Variants in HOMEZ observed in about 807,000 individuals in gnomAD.
HOMEZ encodes homeobox and leucine zipper encoding.
In HOMEZ, 20 loss-of-function variants were observed where a neutral mutation model predicts 50.1. The observed-to-expected ratio is 0.40, with a 90% confidence interval of 0.28 to 0.58. The LOEUF is 0.58. Among genes scored for constraint, HOMEZ ranks in the 20% least tolerant of loss-of-function variants. HOMEZ has a pLI of 0.46. For missense variants in HOMEZ, 579 were observed against 680.5 expected (o/e 0.85, Z 1.66); for synonymous variants, 239 against 254.7 (o/e 0.94, Z 0.59).
chr14:23,282,720 A>T (rs975187220), intron 1 of HOMEZ, among the ~76,000 whole-genome samples: 4 of 152,238 alleles, frequency 2.6e-5, no homozygotes, highest in African/African-American at 9.7e-5. Context: ...TAAGTATTAA[A>T]AGCTGTAAGG....
At position 23,274,175 on chromosome 14, in the gene HOMEZ, A is replaced by G. The variant is rs561790535; in HGVS notation, c.*1400T>C. 6.5e-6 allele frequency: 1 copy of G among 152,720 alleles called. No individual in the cohort carries two copies. Among genetic ancestry groups the G allele is most frequent in the South Asian group, 2.1e-4 (1 of 4,824 alleles). 9.5% of individuals were successfully genotyped at this position (152,720 alleles called of 1,614,324 possible). On this transcript the variant is annotated 3_prime_UTR_variant, in exon 2 of 2. Coordinates refer to ENST00000357460, the MANE Select transcript of HOMEZ (RefSeq NM_020834.3). ...ATATAGCTGATCCCAACTGATGAAA[A>G]CCATTCTAAAACATCAATAATTAAT... is the stretch of plus-strand genomic sequence containing the variant.
In HOMEZ at chr14:23,276,366, T is replaced by C. The variant is rs1226647891; in HGVS notation, c.862A>G (p.Thr288Ala). The C allele has an allele frequency of 3.1e-5, 50 of 1,613,488 alleles. No individual in the cohort carries two copies. The highest frequency in any genetic ancestry group is 3.8e-5 in the Non-Finnish European group (45 of 1,179,794). Residue 288 changes from threonine to alanine, a missense_variant, in exon 2 of 2, where the codon ACC becomes GCC. Transcript: ENST00000357460. This position sits in a 1 kb window ranked among gnomAD's most constrained non-coding sequence, Gnocchi z 4.1. ...ASSVTPSSSS[T>A]SSSFQVLANG... ...GCCAGTACCTGGAAAGAAGAAGAGG[T>C]AGAGGAAGAAGAGGGAGTAACACTA...
In HOMEZ at chr14:23,277,153, C is replaced by A; in HGVS notation, c.75G>T (p.Met25Ile). Residue 25 changes from methionine to isoleucine, a missense_variant, in exon 2 of 2, where the codon ATG becomes ATT. Met to Ile is a conservative substitution (Grantham distance 10, BLOSUM62 1). Coordinates refer to ENST00000357460, the MANE Select transcript of HOMEZ (RefSeq NM_020834.3). The part of the protein sequence containing the change: ...ISEGHKSEGT[M>I]PPNKEASGLS... ...GACCGCTGGCCTCTTTATTAGGAGG[C>A]ATGGTGCCTTCTGATTTGTGCCCTT... 1.2e-6 allele frequency: 2 copies of A among 1,604,186 alleles called. No individual in the cohort carries two copies. Among genetic ancestry groups the A allele is most frequent in the Non-Finnish European group, 1.7e-6 (2 of 1,175,066 alleles).
chr14:23,277,839 G>C (rs960360956), intron 1 of HOMEZ, among the ~76,000 whole-genome samples: 1 of 151,594 alleles, frequency 6.6e-6, no homozygotes, highest in Non-Finnish European at 1.5e-5. Context: ...GTGTGTGTGC[G>C]TGTGTTTTGA....
chr14:23,274,767 G>A lies in HOMEZ; in HGVS notation c.*808C>T, dbSNP rs1391114395. The stretch of plus-strand genomic sequence containing the variant: ...TAAAAATATAAAAAAGTAGCCGGGT[G>A]TGGTGGCAGGTGCCTGTAGTCCCAG... On this transcript the variant is annotated 3_prime_UTR_variant, in exon 2 of 2. Transcript: ENST00000357460. 6.6e-6 allele frequency: 1 copy of A among 152,328 alleles called. No individual in the cohort carries two copies. The highest frequency in any genetic ancestry group is 2.1e-4 in the South Asian group (1 of 4,824). 9.4% of individuals were successfully genotyped at this position (152,328 alleles called of 1,614,324 possible). A position where few individuals can be genotyped will look rare whatever the true frequency, so the allele number is the denominator to read the frequency against.
At chr14:23,284,850 A>C (rs1187825510) in intron 1 of HOMEZ, 2 of 152,224 alleles carry the variant, frequency 1.3e-5, no homozygotes, top group African/African-American at 4.8e-5. Context: ...GGGAAACCAA[A>C]GATGATGAAA....
Position 23,275,819 on chromosome 14 carries a change from C to G in HOMEZ, c.1409G>C (p.Trp470Ser). The G allele has an allele frequency of 6.2e-7, 1 of 1,606,682 alleles. No homozygotes were observed. The highest frequency in any genetic ancestry group is 8.5e-7 in the Non-Finnish European group (1 of 1,175,860). Residue 470 changes from tryptophan (W) to serine (S), a missense_variant, in exon 2 of 2, where the codon TGG becomes TCG. Trp to Ser is a radical substitution (Grantham distance 177). Transcript: ENST00000357460. Reference protein sequence around the residue: ...PPDIQPLERYWAAHQQLRETD... With the variant: ...PPDIQPLERYSAAHQQLRETD... ...TTCCCGTAGCTGTTGGTGGGCTGCC[C>G]AGTACCTCTCCAAGGGTTGTATATC...
intron 1 of HOMEZ, chr14:23,285,479 A>G: frequency 6.4e-6 from 1 of 155,804 alleles, no homozygotes; most frequent in Non-Finnish European, 1.4e-5. Flanking sequence ...CCCAGAAGCA[A>G]GGCCAGGTTC....
intron 1 of HOMEZ, among the ~76,000 whole-genome samples, chr14:23,278,134 G>GT (rs1166550227): frequency 1.6e-4 from 24 of 148,472 alleles, no homozygotes; most frequent in Admixed American, 1.1e-3. Context: ...CTGGTGGGTT[G>GT]TTTTTTTTTA....
intron 1 of HOMEZ, among the ~76,000 whole-genome samples, chr14:23,283,646 G>A (rs1886602889): frequency 6.6e-6 from 1 of 152,220 alleles, no homozygotes; most frequent in African/African-American, 2.4e-5. Flanking sequence ...TGTAGTCCCA[G>A]CACTTTGGGA....
At position 23,275,500 on chromosome 14, in the gene HOMEZ, G is replaced by A; in HGVS notation, c.*75C>T. 2 of 1,461,420 alleles carry A rather than the reference G, an allele frequency of 1.4e-6. No homozygotes were observed. The highest frequency in any genetic ancestry group is 1.8e-6 in the Non-Finnish European group (2 of 1,105,270). 90.5% of individuals were successfully genotyped at this position (1,461,420 alleles called of 1,614,324 possible). A position where few individuals can be genotyped will look rare whatever the true frequency, so the allele number is the denominator to read the frequency against. The stretch of plus-strand genomic sequence containing the variant: ...TCTGCCACAAGGTAATTTTAAAAAT[G>A]TGGTTTCTTTGTTTAAACAGTTACT... On this transcript the variant is annotated 3_prime_UTR_variant, in exon 2 of 2. Coordinates refer to ENST00000357460, the MANE Select transcript of HOMEZ (RefSeq NM_020834.3).
At chr14:23,284,819 T>A (rs1886625498) in intron 1 of HOMEZ, among the ~76,000 whole-genome samples, 1 of 152,148 alleles carries the variant, frequency 6.6e-6, no homozygotes. Flanking sequence ...AATTCATACT[T>A]CACTTTAAAT....
At chr14:23,280,753 A>ATT (rs533102365) in intron 1 of HOMEZ, among the ~76,000 whole-genome samples, 1 of 77,586 alleles carries the variant, frequency 1.3e-5, no homozygotes, top group South Asian at 5.1e-4. Flanking sequence ...ATTTTATTTT[A>ATT]TTTTATTTTA....
chr14:23,276,314 G>A lies in HOMEZ; in HGVS notation c.914C>T (p.Pro305Leu). 6.2e-7 allele frequency: 1 copy of A among 1,613,916 alleles called. No homozygotes were observed. Among genetic ancestry groups the A allele is most frequent in the Non-Finnish European group, 8.5e-7 (1 of 1,179,854 alleles). Residue 305 changes from proline to leucine, a missense_variant, in exon 2 of 2, where the codon CCC (proline) becomes CTC (leucine). Physicochemically the swap from Pro to Leu is moderately conservative, Grantham distance 98. Transcript: ENST00000357460. The surrounding 1 kb of genome is among the most constrained non-coding windows in gnomAD (Gnocchi z 4.1). ...LANGATAASK[P>L]LQPLGCVPQS... The stretch of plus-strand genomic sequence containing the variant: ...TGGGACACAGCCTAGTGGCTGGAGG[G>A]GTTTAGAGGCGGCAGTAGCTCCATT...
intron 1 of HOMEZ, chr14:23,285,171 G>C (rs1335190865): frequency 6.6e-6 from 1 of 151,994 alleles, no homozygotes; most frequent in Non-Finnish European, 1.5e-5. Flanking sequence ...TTCCCAATCT[G>C]GCTTTTTCAA....
Position 23,275,229 on chromosome 14 carries a change from T to C in HOMEZ, c.*346A>G, listed in dbSNP as rs1392631741. 1 of 237,892 alleles carries C rather than the reference T, an allele frequency of 4.2e-6. No homozygotes were observed. Among genetic ancestry groups the C allele is most frequent in the Admixed American group, 5.4e-5 (1 of 18,598 alleles). 14.7% of individuals were successfully genotyped at this position (237,892 alleles called of 1,614,324 possible). A position where few individuals can be genotyped will look rare whatever the true frequency, so the allele number is the denominator to read the frequency against. On this transcript the variant is annotated 3_prime_UTR_variant, in exon 2 of 2. Coordinates refer to ENST00000357460, the MANE Select transcript of HOMEZ (RefSeq NM_020834.3). ...CTCCTTTCCAATCCTCCTGGAGAGG[T>C]GGTGCCAACATCTGGCCTCTGTATA...
rs997766019 is a variant in HOMEZ at position 23,286,107 on chromosome 14, T to A, written c.-155A>T. 8.1e-7 allele frequency: 1 copy of A among 1,229,918 alleles called. No homozygotes were observed. Among genetic ancestry groups the A allele is most frequent in the Non-Finnish European group, 1.0e-6 (1 of 986,926 alleles). The allele number at this position is 1,229,918 out of a possible 1,614,324, so 76.2% of individuals were successfully genotyped here. Reference sequence around the variant, plus strand: ...AGCGCGCCGGTCTACCCAGCCCTGCTCGAGCAAGTTGGAGGCGGGGCGGAT... The same window carrying A: ...AGCGCGCCGGTCTACCCAGCCCTGCACGAGCAAGTTGGAGGCGGGGCGGAT... On this transcript the variant is annotated 5_prime_UTR_variant, in exon 1 of 2. Transcript: ENST00000357460.
At chr14:23,278,067 TCCA>T (rs1224401006) in intron 1 of HOMEZ, among the ~76,000 whole-genome samples, 1 of 152,048 alleles carries the variant, frequency 6.6e-6, no homozygotes, top group Non-Finnish European at 1.5e-5. Context: ...GACCTCGTGA[TCCA>T]CCTGCCTCTG....
chr14:23,285,954 G>A lies in HOMEZ; in HGVS notation c.-2C>T. 8.0e-7 allele frequency: 1 copy of A among 1,244,200 alleles called. No homozygotes were observed. The highest frequency in any genetic ancestry group is 1.0e-6 in the Non-Finnish European group (1 of 987,212). 77.1% of individuals were successfully genotyped at this position (1,244,200 alleles called of 1,614,324 possible). ...CGGCGGCTCCCAGCCTCGCACCATG[G>A]GCCGGGGGGAAGTGGGGGAGAGGGC... On this transcript the variant is annotated 5_prime_UTR_variant, in exon 1 of 2. Coordinates refer to ENST00000357460, the MANE Select transcript of HOMEZ (RefSeq NM_020834.3).
Sources: allele counts gnomAD v4.1 joint callset (sites outside exome capture counted in the v4.1 genomes callset), GRCh38; gene constraint gnomAD v4.1.1; non-coding constraint Gnocchi (gnomAD v3.1); transcripts MANE v1.5; gene names NCBI Gene and HGNC (gene_info 2026-07-23, HGNC 2026-07-21).